FBXL7: variants seen among roughly 807,000 people sequenced by gnomAD.
FBXL7 encodes F-box/LRR-repeat protein 7.
A neutral mutation model predicts 38.3 loss-of-function variants in FBXL7; 12 were observed. That is an observed-to-expected ratio of 0.31 (90% CI 0.20 to 0.51). FBXL7 has a LOEUF of 0.51. Among genes scored for constraint, FBXL7 ranks in the 20% least tolerant of loss-of-function variants. The probability of loss-of-function intolerance (pLI) is 0.98; values close to 1 mark genes in which losing one functional copy is unlikely to be tolerated. For missense variants in FBXL7, 567 were observed against 676.4 expected (o/e 0.84, Z 1.79); for synonymous variants, 297 against 300.9 (o/e 0.99, Z 0.13).
chr5:15,624,336 T>C (rs77927660), intron 2 of FBXL7, among the ~76,000 whole-genome samples: 12 of 152,304 alleles, frequency 7.9e-5, no homozygotes, highest in African/African-American at 2.9e-4. Context: ...AGGGGTGAGT[T>C]CTCTTGAAAA....
chr5:15,510,982 C>T (rs574671277), intron 1 of FBXL7, among the ~76,000 whole-genome samples: 6 of 152,158 alleles, frequency 3.9e-5, no homozygotes, highest in East Asian at 1.9e-4. Flanking sequence ...CGGATTTCCC[C>T]GTGTTTGCTC....
chr5:15,794,580 T>C lies in FBXL7; in HGVS notation c.128-133310T>C, dbSNP rs74605441. Among the ~76,000 whole-genome samples the C allele has an allele frequency of 7.0e-3, 1,073 of 152,316 alleles. 8 individuals are homozygous for C. Among genetic ancestry groups the C allele is most frequent in the African/African-American group, 0.024 (1,014 of 41,568 alleles). ...GACGTGTTTTAAAATTGGCAAACTCTTGTGGGAAATACTGCCAGAGCCTTA... is the reference window on the plus strand; with the variant it reads ...GACGTGTTTTAAAATTGGCAAACTCCTGTGGGAAATACTGCCAGAGCCTTA... On this transcript the variant is annotated intron_variant, in intron 2 of 3. Coordinates refer to ENST00000504595, the MANE Select transcript of FBXL7 (RefSeq NM_012304.5).
intron 2 of FBXL7, among the ~76,000 whole-genome samples, chr5:15,690,093 T>G (rs1743135945): frequency 1.3e-5 from 2 of 152,366 alleles, no homozygotes; most frequent in Admixed American, 1.3e-4. Flanking sequence ...TTTTCTGCCC[T>G]TTTTGCTATC....
At chr5:15,887,741 T>G (rs1403812465) in intron 2 of FBXL7, among the ~76,000 whole-genome samples, 3 of 152,220 alleles carry the variant, frequency 2.0e-5, no homozygotes, top group Admixed American at 6.5e-5. Flanking sequence ...AATACAGCCC[T>G]TTTATGGAAA....
intron 1 of FBXL7, 79 bp downstream of exon 1, chr5:15,500,792 G>C: frequency 6.5e-7 from 1 of 1,539,794 alleles, no homozygotes; most frequent in Non-Finnish European, 8.9e-7. Context: ...TGGGAAGGGA[G>C]GTTCTCGCCC....
intron 1 of FBXL7, among the ~76,000 whole-genome samples, chr5:15,510,394 C>T (rs937972651): frequency 1.2e-4 from 19 of 152,110 alleles, no homozygotes; most frequent in African/African-American, 4.3e-4. Context: ...GAAAAGTCTA[C>T]TTATATGTGA....
chr5:15,856,188 C>T (rs1417567457), intron 2 of FBXL7, among the ~76,000 whole-genome samples: 2 of 151,982 alleles, frequency 1.3e-5, no homozygotes, highest in Admixed American at 6.6e-5. Flanking sequence ...GATGCAAAAG[C>T]GGAAACCCCT....
chr5:15,816,198 G>T (rs1039805382), intron 2 of FBXL7, among the ~76,000 whole-genome samples: 1 of 151,924 alleles, frequency 6.6e-6, no homozygotes, highest in Non-Finnish European at 1.5e-5. Context: ...GCAGAGATAT[G>T]AAATGAACCT....
At chr5:15,549,187 A>G (rs1737996040) in intron 1 of FBXL7, among the ~76,000 whole-genome samples, 1 of 152,228 alleles carries the variant, frequency 6.6e-6, no homozygotes, top group Non-Finnish European at 1.5e-5. Flanking sequence ...TCACTAAACA[A>G]GCTAATACAT....
chr5:15,808,875 T>C (rs1737784425), intron 2 of FBXL7, among the ~76,000 whole-genome samples: 1 of 152,172 alleles, frequency 6.6e-6, no homozygotes, highest in South Asian at 2.1e-4. Flanking sequence ...AGGCCTCATA[T>C]GGGCACCTTT....
intron 2 of FBXL7, among the ~76,000 whole-genome samples, chr5:15,885,627 A>T (rs1740644692): frequency 6.6e-6 from 1 of 152,098 alleles, no homozygotes. Context: ...AAACATACAG[A>T]TAATTCTCTA....
At chr5:15,584,770 C>T (rs547852917) in intron 1 of FBXL7, among the ~76,000 whole-genome samples, 2 of 152,288 alleles carry the variant, frequency 1.3e-5, no homozygotes, top group South Asian at 4.1e-4. Context: ...TTTCACACTG[C>T]TATAAAGAAA....
intron 2 of FBXL7, among the ~76,000 whole-genome samples, chr5:15,773,498 G>A (rs1736782484): frequency 6.6e-6 from 1 of 151,538 alleles, no homozygotes; most frequent in South Asian, 2.1e-4. Flanking sequence ...TTTTTTTTAA[G>A]TATCTAGTCA....
chr5:15,640,284 C>T (rs768870971), intron 2 of FBXL7, among the ~76,000 whole-genome samples: 3 of 152,026 alleles, frequency 2.0e-5, no homozygotes, highest in East Asian at 1.9e-4. Flanking sequence ...TTTTGGTTCC[C>T]GACAGTCCTT....
chr5:15,640,523 T>G (rs1416073870), intron 2 of FBXL7, among the ~76,000 whole-genome samples: 1 of 138,678 alleles, frequency 7.2e-6, no homozygotes, highest in East Asian at 2.1e-4. Context: ...TAGGGCTTTG[T>G]TTTTTTTTGT....
chr5:15,853,139 CA>C (rs1739150747), intron 2 of FBXL7, among the ~76,000 whole-genome samples: 1 of 152,116 alleles, frequency 6.6e-6, no homozygotes, highest in South Asian at 2.1e-4. Flanking sequence ...AATTTGAGCC[CA>C]GGGGCACTTG....
chr5:15,929,200 G>T (rs1579611092), intron 3 of FBXL7, among the ~76,000 whole-genome samples: 1 of 152,320 alleles, frequency 6.6e-6, no homozygotes, highest in Middle Eastern at 3.4e-3. Context: ...CCATTTTGTA[G>T]TGTCTCCTTA....
chr5:15,635,819 C>G (rs2126548126), intron 2 of FBXL7, among the ~76,000 whole-genome samples: 1 of 152,168 alleles, frequency 6.6e-6, no homozygotes, highest in South Asian at 2.1e-4. Flanking sequence ...TGGGAATGGG[C>G]AGTGAGGGCA....
At chr5:15,640,745 A>G (rs1288647978) in intron 2 of FBXL7, among the ~76,000 whole-genome samples, 3 of 152,116 alleles carry the variant, frequency 2.0e-5, no homozygotes, top group South Asian at 4.1e-4. Flanking sequence ...GCTGTTCTCA[A>G]ACACCTGATC....
Sources: gnomAD v4.1 joint callset for allele counts (sites outside exome capture counted in the v4.1 genomes callset) on GRCh38, gnomAD v4.1.1 for gene constraint, MANE v1.5 for transcripts, NCBI Gene and HGNC (gene_info 2026-07-23, HGNC 2026-07-21) for gene names.